Variants in PLXNA4 observed in about 807,000 individuals in gnomAD.
PLXNA4 encodes plexin A4, also known as plexin-A4.
A neutral mutation model predicts 191.8 loss-of-function variants in PLXNA4; 44 were observed. The observed-to-expected ratio is 0.23, with a 90% CI of 0.18 to 0.29. PLXNA4 has a LOEUF of 0.29. Ranked by LOEUF, PLXNA4 falls within the 10% of genes least tolerant of loss-of-function variation. The pLI, the probability that PLXNA4 is intolerant of heterozygous loss-of-function variation, is 1.00. For synonymous variants in PLXNA4, 1,082 were observed against 1,009.5 expected (o/e 1.07, Z -1.36); for missense variants, 1,800 against 2,488.8 (o/e 0.72, Z 5.89).
At chr7:132,645,641 T>C (rs1203271193) in intron 2 of PLXNA4, among the ~76,000 whole-genome samples, 2 of 152,202 alleles carry the variant, frequency 1.3e-5, no homozygotes, top group African/African-American at 4.8e-5. Context: ...GCTCATCTTA[T>C]GAGTAAAGAA....
At chr7:132,364,196 G>A (rs1158491746) in intron 3 of PLXNA4, among the ~76,000 whole-genome samples, 2 of 152,242 alleles carry the variant, frequency 1.3e-5, no homozygotes, top group African/African-American at 2.4e-5. Context: ...GGGAGGAATG[G>A]GCAGACATGG....
intron 29 of PLXNA4, among the ~76,000 whole-genome samples, chr7:132,144,060 G>A (rs939840145): frequency 1.3e-5 from 2 of 152,200 alleles, no homozygotes; most frequent in Non-Finnish European, 2.9e-5. Context: ...CCAGGGCTAG[G>A]TGCCAGGGTG....
intron 5 of PLXNA4, among the ~76,000 whole-genome samples, chr7:132,236,428 C>A (rs538661237): frequency 6.6e-6 from 1 of 152,266 alleles, no homozygotes; most frequent in Admixed American, 6.5e-5. Flanking sequence ...CTTGACACCT[C>A]AAGGAACTCT....
Position 132,137,704 on chromosome 7 carries a change from G to A in PLXNA4, c.5438+2895C>T, listed in dbSNP as rs540277837. ...AGGCAGGAATGGGAGGGGAGGATGG[G>A]TGGGGAGATGGTGGGAGGGAGGACA... On this transcript the variant is annotated intron_variant, in intron 30 of 31. Transcript: ENST00000321063. Among the ~76,000 whole-genome samples the A allele has an allele frequency of 4.6e-5, 7 of 152,014 alleles. 1 individual carries two copies. The highest frequency in any genetic ancestry group is 1.7e-4 in the African/African-American group (7 of 41,492).
chr7:132,594,998 TAGATAGATAGATAGATAGATAGAC>T (rs1277953023), intron 2 of PLXNA4, among the ~76,000 whole-genome samples: 35 of 55,090 alleles, frequency 6.4e-4, no homozygotes, highest in South Asian at 1.2e-3. Flanking sequence ...GATAGATAGA[TAGATAGATAGATAGATAGATAGAC>T]AGACAGACAG....
At chr7:132,313,079 T>TG (rs1231789056) in intron 3 of PLXNA4, among the ~76,000 whole-genome samples, 1 of 152,184 alleles carries the variant, frequency 6.6e-6, no homozygotes, top group African/African-American at 2.4e-5. Context: ...AGCTGCCCCC[T>TG]GGATGCACAT....
intron 10 of PLXNA4, among the ~76,000 whole-genome samples, chr7:132,206,181 C>T (rs1797609445): frequency 6.6e-6 from 1 of 152,200 alleles, no homozygotes; most frequent in African/African-American, 2.4e-5. Context: ...TACACATCTC[C>T]TTGGATTGGC....
intron 4 of PLXNA4, among the ~76,000 whole-genome samples, chr7:132,276,874 T>C (rs765383868): frequency 3.5e-4 from 53 of 152,288 alleles, no homozygotes; most frequent in Non-Finnish European, 6.6e-4. Flanking sequence ...GTGGGCTCTG[T>C]TTTTACGGCC....
At chr7:132,195,432 C>A (rs1337146542) in intron 13 of PLXNA4, among the ~76,000 whole-genome samples, 7 of 152,216 alleles carry the variant, frequency 4.6e-5, no homozygotes, top group Admixed American at 4.6e-4. Context: ...AACCAACTGA[C>A]ACACACATCC....
At chr7:132,617,227 G>T (rs753433247) in intron 2 of PLXNA4, among the ~76,000 whole-genome samples, 1 of 152,178 alleles carries the variant, frequency 6.6e-6, no homozygotes, top group Non-Finnish European at 1.5e-5. Flanking sequence ...TGCTGAGAGG[G>T]TGCTTCTCAG....
At position 132,140,586 on chromosome 7, in the gene PLXNA4, G is replaced by T. The variant is rs762856673; in HGVS notation, c.5438+13C>A. 1 of 1,612,730 alleles carries T rather than the reference G, an allele frequency of 6.2e-7. No homozygotes were observed. The highest frequency in any genetic ancestry group is 1.1e-5 in the South Asian group (1 of 90,992). On this transcript the variant is annotated intron_variant, in intron 30 of 31. Transcript: ENST00000321063. Reference sequence around the variant, plus strand: ...CAAGGGGCCCTGACTTGGCTCCGTGGCCCAGCACTCACCTCTCCACCCAAT... The same window carrying T: ...CAAGGGGCCCTGACTTGGCTCCGTGTCCCAGCACTCACCTCTCCACCCAAT...
At chr7:132,187,338 C>T in intron 15 of PLXNA4, 133 bp downstream of exon 15, 1 of 1,416,898 alleles carries the variant, frequency 7.1e-7, no homozygotes, top group Non-Finnish European at 9.4e-7. Flanking sequence ...TCTATCTGTG[C>T]AGCTGGCAAG....
chr7:132,433,602 T>A (rs1795357810), intron 3 of PLXNA4, among the ~76,000 whole-genome samples: 1 of 152,300 alleles, frequency 6.6e-6, no homozygotes, highest in Admixed American at 6.5e-5. Flanking sequence ...TTCCTCTCTG[T>A]TCTCAGAAAA....
chr7:132,347,933 T>C (rs149610508), intron 3 of PLXNA4, among the ~76,000 whole-genome samples: 1 of 152,160 alleles, frequency 6.6e-6, no homozygotes, highest in Admixed American at 6.6e-5. Flanking sequence ...GCATGGGCAC[T>C]ATGGTTTGAG....
chr7:132,577,645 TA>T (rs1393267922), upstream of PLXNA4, among the ~76,000 whole-genome samples: 6 of 152,002 alleles, frequency 3.9e-5, no homozygotes, highest in Middle Eastern at 6.8e-3. Flanking sequence ...CGCACGGAGC[TA>T]CCCTGGCGGT....
rs1802217472 is a variant in PLXNA4 at position 132,576,134 on chromosome 7, A to G, written c.-87+288T>C. Among the ~76,000 whole-genome samples the G allele has an allele frequency of 6.6e-6, 1 of 152,192 alleles. No homozygotes were observed. The highest frequency in any genetic ancestry group is 1.5e-5 in the Non-Finnish European group (1 of 68,014). ...CGGGAATACACAGAATCCCACCCCG[A>G]AAGTCCCGGGAAAGAGAAGTCTGAG... On this transcript the variant is annotated intron_variant, in intron 1 of 31. Coordinates refer to ENST00000321063, the MANE Select transcript of PLXNA4 (RefSeq NM_020911.2). This position sits in a 1 kb window ranked among gnomAD's most constrained non-coding sequence, Gnocchi z 5.8.
intron 3 of PLXNA4, among the ~76,000 whole-genome samples, chr7:132,482,071 C>G (rs2117483184): frequency 6.6e-6 from 1 of 152,276 alleles, no homozygotes; most frequent in East Asian, 1.9e-4. Context: ...GGGTTCAAGT[C>G]CCCTCAATGG....
intron 3 of PLXNA4, among the ~76,000 whole-genome samples, chr7:132,363,947 G>A (rs1487771674): frequency 6.6e-6 from 1 of 152,270 alleles, no homozygotes; most frequent in Non-Finnish European, 1.5e-5. Flanking sequence ...CCCAGGCTGT[G>A]GCTGGCAGGC....
chr7:132,291,853 G>C lies in PLXNA4; in HGVS notation c.1503+6238C>G, dbSNP rs1290866452. ...CTAGTCACATAGGCTGGAGTGCAGT[G>C]GCATGATCTAAGTTCACTGCAACCT... is the stretch of plus-strand genomic sequence containing the variant. On this transcript the variant is annotated intron_variant, in intron 4 of 31. Transcript: ENST00000321063. Among the ~76,000 whole-genome samples, 4 of 152,264 alleles carry C rather than the reference G, an allele frequency of 2.6e-5. No individual in the cohort carries two copies. In the South Asian group the frequency reaches 8.3e-4, roughly 32 times the overall value.
Sources: gnomAD v4.1 joint callset for allele counts (sites outside exome capture counted in the v4.1 genomes callset) on GRCh38, gnomAD v4.1.1 for gene constraint, Gnocchi (gnomAD v3.1) non-coding constraint, MANE v1.5 for transcripts, NCBI Gene and HGNC (gene_info 2026-07-23, HGNC 2026-07-21) for gene names.